RNF114: variants seen among roughly 807,000 people sequenced by gnomAD.
RNF114 encodes E3 ubiquitin-protein ligase RNF114.
RNF114 carries 6 observed loss-of-function variants against 28.4 expected under a neutral mutation model. The observed-to-expected ratio is 0.21, with a 90% confidence interval of 0.12 to 0.42. RNF114 has a LOEUF of 0.42. Ranked by LOEUF, RNF114 falls within the 10% of genes least tolerant of loss-of-function variation. The probability of loss-of-function intolerance (pLI) is 1.00; values close to 1 mark genes in which losing one functional copy is unlikely to be tolerated. For synonymous variants in RNF114, 115 were observed against 116.7 expected, an observed-to-expected ratio of 0.99 and a Z score of 0.09; for missense variants, 249 against 311.7, an observed-to-expected ratio of 0.80 and a Z score of 1.51.
Position 49,952,392 on chromosome 20 carries a change from G to T in RNF114, c.*251G>T, listed in dbSNP as rs6125829. ...CACGGTCGAGTTCGTATTGGTTCTC[G>T]GCTACTTCCTGGAGCTTCTGCCGCC... On this transcript the variant is annotated 3_prime_UTR_variant, in exon 6 of 6. Coordinates refer to ENST00000244061, the MANE Select transcript of RNF114 (RefSeq NM_018683.4). The T allele has an allele frequency of 0.4, 216,489 of 539,326 alleles. 47,035 individuals are homozygous for T. Among genetic ancestry groups the T allele is most frequent in the South Asian group, 0.56 (20,622 of 36,794 alleles). The allele number at this position is 539,326 out of a possible 1,614,324, so 33.4% of individuals were successfully genotyped here.
At position 49,952,084 on chromosome 20, in the gene RNF114, T is replaced by C; in HGVS notation, c.630T>C (p.Asp210=). 5.6e-6 allele frequency: 9 copies of C among 1,613,664 alleles called. No homozygotes were observed. Among genetic ancestry groups the C allele is most frequent in the Non-Finnish European group, 7.6e-6 (9 of 1,179,622 alleles). The part of the protein sequence containing the change: ...RFSYDTFVDY[D]VDEEDMMNQV... Reference sequence around the variant, plus strand: ...TCTCTTTTTGCCCTTAGGATTATGATGTTGATGAAGAGGACATGATGAATC... The same window carrying C: ...TCTCTTTTTGCCCTTAGGATTATGACGTTGATGAAGAGGACATGATGAATC... The change falls in exon 6 of 6, where the codon GAT becomes GAC. Residue 210 remains aspartate, a synonymous_variant. Transcript: ENST00000244061.
At position 49,941,504 on chromosome 20, in the gene RNF114, A is replaced by T. The variant is rs982516792; in HGVS notation, c.141-57A>T. 9.9e-6 allele frequency: 15 copies of T among 1,508,810 alleles called. No individual in the cohort carries two copies. The South Asian group carries it at 1.8e-4, about 18-fold the overall frequency. The allele number at this position is 1,508,810 out of a possible 1,614,324, so 93.5% of individuals were successfully genotyped here. ...GATGTCTTTTTAAAAGTTGATCCAT[A>T]TTTGTCGTCTTGTCTCCATGATGCG... On this transcript the variant is annotated intron_variant, in intron 1 of 5. Coordinates refer to ENST00000244061, the MANE Select transcript of RNF114 (RefSeq NM_018683.4).
chr20:49,947,776 T>G (rs1308098567), intron 4 of RNF114, among the ~76,000 whole-genome samples: 3 of 21,942 alleles, frequency 1.4e-4, no homozygotes, highest in African/African-American at 2.2e-4. Context: ...CAAGTTTTTT[T>G]TTTTTTTTTT....
At chr20:49,939,299 A>G (rs2090298483) in intron 1 of RNF114, among the ~76,000 whole-genome samples, 1 of 152,228 alleles carries the variant, frequency 6.6e-6, no homozygotes, top group African/African-American at 2.4e-5. Flanking sequence ...GTGGTGAATG[A>G]ATAGACTCCC....
chr20:49,940,459 G>A (rs1197999933), intron 1 of RNF114, among the ~76,000 whole-genome samples: 1 of 150,758 alleles, frequency 6.6e-6, no homozygotes, highest in Non-Finnish European at 1.5e-5. Context: ...CTCCCAGGCT[G>A]GATGGAGTGC....
Position 49,940,454 on chromosome 20 carries a change from A to G in RNF114, c.141-1107A>G, listed in dbSNP as rs73613349. Among the ~76,000 whole-genome samples the G allele has an allele frequency of 0.024, 3,413 of 144,936 alleles. 350 individuals are homozygous for G. The East Asian group carries it at 0.35, about 15-fold the overall frequency. On this transcript the variant is annotated intron_variant, in intron 1 of 5. Transcript: ENST00000244061. ...GAGACGGAGTCTCGCTCTGTCTCCC[A>G]GGCTGGATGGAGTGCAGTGGCGCGA...
intron 3 of RNF114, 123 bp downstream of exon 3, chr20:49,945,611 G>A (rs950361285): frequency 1.9e-5 from 12 of 629,588 alleles, no homozygotes; most frequent in Non-Finnish European, 1.7e-5. Context: ...AAGTATTTTG[G>A]GAGGAGTATG....
intron 4 of RNF114, among the ~76,000 whole-genome samples, chr20:49,947,494 T>A (rs2090337596): frequency 6.6e-6 from 1 of 152,170 alleles, no homozygotes; most frequent in African/African-American, 2.4e-5. Context: ...AATGCTCATC[T>A]TAAGATGGAA....
In RNF114 at chr20:49,952,293, C is replaced by T; in HGVS notation, c.*152C>T. 3 of 687,156 alleles carry T rather than the reference C, an allele frequency of 4.4e-6. No homozygotes were observed. The highest frequency in any genetic ancestry group is 7.9e-6 in the Non-Finnish European group (3 of 378,122). 42.6% of individuals were successfully genotyped at this position (687,156 alleles called of 1,614,324 possible). On this transcript the variant is annotated 3_prime_UTR_variant, in exon 6 of 6. Coordinates refer to ENST00000244061, the MANE Select transcript of RNF114 (RefSeq NM_018683.4). ...GTCACTTCTGACAGGGGAAGTGGGTCCCCAGGTCAGCCCTTCTCTTCCCTT... is the reference window on the plus strand; with the variant it reads ...GTCACTTCTGACAGGGGAAGTGGGTTCCCAGGTCAGCCCTTCTCTTCCCTT...
In RNF114 at chr20:49,952,249, G is replaced by GC. The variant is rs2090357920; in HGVS notation, c.*110dup. ...ACCTGTTCAACAGACCTGAAAATGA[G>GC]CCATGGCATTGGGACAGGGTCACTT... On this transcript the variant is annotated 3_prime_UTR_variant, in exon 6 of 6. Coordinates refer to ENST00000244061, the MANE Select transcript of RNF114 (RefSeq NM_018683.4). 9.9e-7 allele frequency: 1 copy of GC among 1,009,184 alleles called. No homozygotes were observed. Among genetic ancestry groups the GC allele is most frequent in the African/African-American group, 1.6e-5 (1 of 63,690 alleles). The allele number at this position is 1,009,184 out of a possible 1,614,324, so 62.5% of individuals were successfully genotyped here.
At chr20:49,949,853 C>T (rs1326000536) in intron 5 of RNF114, among the ~76,000 whole-genome samples, 1 of 151,912 alleles carries the variant, frequency 6.6e-6, no homozygotes, top group Non-Finnish European at 1.5e-5. Context: ...CTATGTTGGC[C>T]AGGCTGGTCT....
At chr20:49,948,693 TC>T (rs1269253820) in intron 4 of RNF114, among the ~76,000 whole-genome samples, 1 of 152,160 alleles carries the variant, frequency 6.6e-6, no homozygotes, top group Non-Finnish European at 1.5e-5. Flanking sequence ...CGCTTTGGCC[TC>T]CCAAAGTGCT....
At position 49,945,369 on chromosome 20, in the gene RNF114, C is replaced by T. The variant is rs1194140712; in HGVS notation, c.292-13C>T. On this transcript the variant is annotated splice_polypyrimidine_tract_variant and intron_variant, in intron 2 of 5. Coordinates refer to ENST00000244061, the MANE Select transcript of RNF114 (RefSeq NM_018683.4). ...CCTCACTAACTTATGGGCTCTGATTCTTCCTATTTGAGTTCTTCCTGTCCA... is the reference window on the plus strand; with the variant it reads ...CCTCACTAACTTATGGGCTCTGATTTTTCCTATTTGAGTTCTTCCTGTCCA... 6.4e-7 allele frequency: 1 copy of T among 1,566,386 alleles called. No individual in the cohort carries two copies. The highest frequency in any genetic ancestry group is 8.8e-7 in the Non-Finnish European group (1 of 1,136,614).
chr20:49,941,601 A>C lies in RNF114; in HGVS notation c.181A>C (p.Lys61Gln). The C allele has an allele frequency of 6.2e-7, 1 of 1,610,734 alleles. No individual in the cohort carries two copies. Among genetic ancestry groups the C allele is most frequent in the Non-Finnish European group, 8.5e-7 (1 of 1,177,696 alleles). Reference sequence around the variant, plus strand: ...CCTGCAGGAATGTCTGAAGCCGAAGAAGCCTGTCTGTGGGGTGTGTCGCAG... The same window carrying C: ...CCTGCAGGAATGTCTGAAGCCGAAGCAGCCTGTCTGTGGGGTGTGTCGCAG... The part of the protein sequence containing the change: ...ACLQECLKPK[K>Q]PVCGVCRSAL... The change falls in exon 2 of 6, where the codon AAG (lysine) becomes CAG (glutamine). Residue 61 changes from lysine to glutamine, a missense_variant. By Grantham distance (53) the Lys-to-Gln change is moderately conservative. This residue lies in a region of RNF114 where 123 missense variants were observed against 106.4 expected (regional missense o/e 1.16). Transcript: ENST00000244061.
Position 49,952,477 on chromosome 20 carries a change from G to A in RNF114, c.*336G>A. ...GTTTCACACTCATTCCTCCCATCCA[G>A]TGTTTGTCTCTCGGGTCCTTCAAGC... On this transcript the variant is annotated 3_prime_UTR_variant, in exon 6 of 6. Coordinates refer to ENST00000244061, the MANE Select transcript of RNF114 (RefSeq NM_018683.4). 1 of 487,582 alleles carries A rather than the reference G, an allele frequency of 2.1e-6. No homozygotes were observed. The highest frequency in any genetic ancestry group is 3.6e-6 in the Non-Finnish European group (1 of 274,192). 30.2% of individuals were successfully genotyped at this position (487,582 alleles called of 1,614,324 possible).
intron 3 of RNF114, among the ~76,000 whole-genome samples, 181 bp downstream of exon 3, chr20:49,945,669 CT>C (rs1304892953): frequency 1.3e-5 from 2 of 152,052 alleles, no homozygotes; most frequent in African/African-American, 2.4e-5. Context: ...GAGCTATATT[CT>C]TTTTTTCTTT....
chr20:49,936,786 G>A (rs943715468), intron 1 of RNF114, among the ~76,000 whole-genome samples: 56 of 152,126 alleles, frequency 3.7e-4, no homozygotes, highest in African/African-American at 1.3e-3. Context: ...GCTGCTGTCT[G>A]TTGAGCGCCT....
At position 49,940,660 on chromosome 20, in the gene RNF114, G is replaced by A. The variant is rs974918648; in HGVS notation, c.141-901G>A. Among the ~76,000 whole-genome samples, 6 of 152,040 alleles carry A rather than the reference G, an allele frequency of 3.9e-5. No individual in the cohort carries two copies. In the South Asian group the frequency reaches 6.2e-4, roughly 16 times the overall value. On this transcript the variant is annotated intron_variant, in intron 1 of 5. Transcript: ENST00000244061. ...GATCTCCTGACCTTGTGATCTGCCC[G>A]CCTCGGCCTCCCAAAGTGCTGGGAT...
intron 1 of RNF114, among the ~76,000 whole-genome samples, chr20:49,937,008 C>T (rs1433714478): frequency 6.6e-6 from 1 of 152,142 alleles, no homozygotes; most frequent in African/African-American, 2.4e-5. Context: ...CTGAACTAGA[C>T]TAAAACAACA....
Sources: gnomAD v4.1 joint callset for allele counts (sites outside exome capture counted in the v4.1 genomes callset) on GRCh38, gnomAD v4.1.1 for gene constraint, gnomAD v4.1.1 regional missense constraint, MANE v1.5 for transcripts, NCBI Gene and HGNC (gene_info 2026-07-23, HGNC 2026-07-21) for gene names.